Variants in ZWILCH observed in about 807,000 individuals in gnomAD.
The protein encoded by ZWILCH is protein zwilch homolog.
Under a neutral mutation model 79.9 loss-of-function variants are expected in ZWILCH, and 74 were observed. The observed-to-expected ratio is 0.93, with a 90% CI of 0.77 to 1.12. The LOEUF is 1.12. Ranked by LOEUF, ZWILCH falls within the 50% of genes most tolerant of loss-of-function variation. The probability of loss-of-function intolerance (pLI) is 0.00; values close to 1 mark genes in which losing one functional copy is unlikely to be tolerated. For synonymous variants in ZWILCH, 241 were observed against 228.2 expected (o/e 1.06, Z -0.51); for missense variants, 694 against 687.5 (o/e 1.01, Z -0.11).
At chr15:66,513,883 C>G (rs1001943575) in intron 2 of ZWILCH, 105 bp from the exon 3 acceptor site, 9 of 883,716 alleles carry the variant, frequency 1.0e-5, no homozygotes, top group Non-Finnish European at 1.5e-5. Context: ...GACTCTGTCT[C>G]TTAAGGAAAT....
At chr15:66,525,565 C>T (rs1894641316) in intron 8 of ZWILCH, among the ~76,000 whole-genome samples, 2 of 152,010 alleles carry the variant, frequency 1.3e-5, no homozygotes, top group Non-Finnish European at 2.9e-5. Context: ...TCTTCTGGGA[C>T]CATGCTAATG....
At chr15:66,527,635 T>C (rs971813958) in intron 9 of ZWILCH, among the ~76,000 whole-genome samples, 2 of 152,184 alleles carry the variant, frequency 1.3e-5, no homozygotes, top group African/African-American at 4.8e-5. Flanking sequence ...ATACCTACCA[T>C]GTGCCTGATG....
intron 18 of ZWILCH, 84 bp downstream of exon 18, chr15:66,546,789 C>T (rs751969788): frequency 1.0e-5 from 6 of 599,152 alleles, no homozygotes; most frequent in African/African-American, 1.9e-5. Flanking sequence ...TTATCAATGT[C>T]GATTTGCTAC....
Position 66,535,997 on chromosome 15 carries a change from A to T in ZWILCH, c.1406A>T (p.His469Leu), listed in dbSNP as rs771712554. The T allele has an allele frequency of 5.6e-5, 91 of 1,612,934 alleles. 1 individual carries two copies. In the South Asian group the frequency reaches 9.7e-4, roughly 17 times the overall value. ...GTTTATCGTGTCCAAAAACTCCACC[A>T]TATTCTAGAAATATTAGTCAGTTGC... Reference protein sequence around the residue: ...EQVYRVQKLHHILEILVSCMP... With the variant: ...EQVYRVQKLHLILEILVSCMP... Residue 469 changes from histidine to leucine, a missense_variant, in exon 15 of 19, where the codon CAT becomes CTT. Transcript: ENST00000307897.
chr15:66,540,623 G>A (rs953726709), intron 17 of ZWILCH, among the ~76,000 whole-genome samples: 7 of 150,644 alleles, frequency 4.6e-5, no homozygotes, highest in Non-Finnish European at 1.0e-4. Flanking sequence ...TGTGTGCCCA[G>A]TATTTTCTTT....
At chr15:66,522,608 T>C (rs1336042262) in intron 7 of ZWILCH, among the ~76,000 whole-genome samples, 1 of 151,986 alleles carries the variant, frequency 6.6e-6, no homozygotes, top group East Asian at 1.9e-4. Flanking sequence ...ACACCTGGCC[T>C]AAAATAGATT....
intron 12 of ZWILCH, among the ~76,000 whole-genome samples, chr15:66,530,583 G>A (rs950525266): frequency 6.6e-6 from 1 of 152,166 alleles, no homozygotes; most frequent in African/African-American, 2.4e-5. Context: ...GTGGCAGTGA[G>A]CTGAGATTGC....
Position 66,549,871 on chromosome 15 carries a change from A to G in ZWILCH, c.*1547A>G. 1 of 473,696 alleles carries G rather than the reference A, an allele frequency of 2.1e-6. No individual in the cohort carries two copies. Among genetic ancestry groups the G allele is most frequent in the Non-Finnish European group, 3.8e-6 (1 of 264,010 alleles). 29.3% of individuals were successfully genotyped at this position (473,696 alleles called of 1,614,324 possible). A position where few individuals can be genotyped will look rare whatever the true frequency, so the allele number is the denominator to read the frequency against. On this transcript the variant is annotated 3_prime_UTR_variant, in exon 19 of 19. Coordinates refer to ENST00000307897, the MANE Select transcript of ZWILCH (RefSeq NM_017975.5). ...TCTTTCATGGTAGATTAAATGCTTTAAAATGCTTATAAATAGAAATTTGAC... is the reference window on the plus strand; with the variant it reads ...TCTTTCATGGTAGATTAAATGCTTTGAAATGCTTATAAATAGAAATTTGAC...
At chr15:66,517,430 G>GTGTGTGTGTGTGTGTGTGTGTA in intron 4 of ZWILCH, among the ~76,000 whole-genome samples, 5 of 66,526 alleles carry the variant, frequency 7.5e-5, no homozygotes, top group Non-Finnish European at 1.5e-4. Context: ...GTGTGTGTGT[G>GTGTGTGTGTGTGTGTGTGTGTA]TATATATATA....
At chr15:66,521,788 A>C (rs901626853) in intron 7 of ZWILCH, among the ~76,000 whole-genome samples, 38 of 152,058 alleles carry the variant, frequency 2.5e-4, no homozygotes, top group African/African-American at 7.7e-4. Flanking sequence ...GGCGTGAGCC[A>C]CTGTGCCTGG....
rs200409020 is a variant in ZWILCH, at chr15:66,536,010, A to G, written c.1419A>G (p.Ile473Met). 147 of 1,613,106 alleles carry G rather than the reference A, an allele frequency of 9.1e-5. 1 individual carries two copies. In the East Asian group the frequency reaches 3.1e-3, roughly 34 times the overall value. Residue 473 changes from isoleucine (I) to methionine (M), a missense_variant, in exon 15 of 19, where the codon ATA becomes ATG. By Grantham distance (10) the Ile-to-Met change is conservative. Coordinates refer to ENST00000307897, the MANE Select transcript of ZWILCH (RefSeq NM_017975.5). Reference protein sequence around the residue: ...RVQKLHHILEILVSCMPFIKS... With the variant: ...RVQKLHHILEMLVSCMPFIKS... ...AAAAACTCCACCATATTCTAGAAAT[A>G]TTAGTCAGTTGCATGCCTTTCATTA...
intron 17 of ZWILCH, among the ~76,000 whole-genome samples, chr15:66,543,319 G>T (rs1895253230): frequency 6.6e-6 from 1 of 152,194 alleles, no homozygotes; most frequent in Admixed American, 6.5e-5. Context: ...GCTTATGGTA[G>T]CAAAAACATG....
chr15:66,524,352 C>T (rs1407922544), intron 8 of ZWILCH: 1 of 152,132 alleles, frequency 6.6e-6, no homozygotes, highest in Non-Finnish European at 1.5e-5. Context: ...AGTGGTATCT[C>T]TTTGTAGTTT....
chr15:66,516,169 G>A (rs1265047294), intron 4 of ZWILCH, among the ~76,000 whole-genome samples: 6 of 152,148 alleles, frequency 3.9e-5, no homozygotes, highest in African/African-American at 4.8e-5. Context: ...GTGCACCTGC[G>A]CCGTGGATGG....
chr15:66,544,724 T>TGTGTGTGTGTGTGTGTGTGTGTGTGTG (rs1555426548), intron 17 of ZWILCH, among the ~76,000 whole-genome samples: 2 of 128,490 alleles, frequency 1.6e-5, no homozygotes, highest in African/African-American at 6.2e-5. Context: ...TTTTTGGTTT[T>TGTGTGTGTGTGTGTGTGTGTGTGTGTG]TGTGTGTGTG....
intron 16 of ZWILCH, 113 bp from the exon 17 acceptor site, chr15:66,539,985 C>T: frequency 1.6e-6 from 1 of 616,518 alleles, no homozygotes; most frequent in Non-Finnish European, 2.8e-6. Context: ...GACCCGTTTA[C>T]CTCTTTGTCC....
chr15:66,529,531 A>G lies in ZWILCH; in HGVS notation c.1113A>G (p.Thr371=), dbSNP rs764858732. The change falls in exon 12 of 19, where the codon ACA becomes ACG. Residue 371 remains threonine (T), a synonymous_variant. Coordinates refer to ENST00000307897, the MANE Select transcript of ZWILCH (RefSeq NM_017975.5). ...ACCAAGACTTGGTGAAGTGTTTCAC[A>G]TTGATCATCCAGAGTCTACAACGTG... ...ISYQDLVKCF[T]LIIQSLQRGD... 11 of 1,613,954 alleles carry G rather than the reference A, an allele frequency of 6.8e-6. No individual in the cohort carries two copies. The highest frequency in any genetic ancestry group is 9.3e-6 in the Non-Finnish European group (11 of 1,179,978).
Position 66,550,112 on chromosome 15 carries a change from A to T in ZWILCH, c.*1788A>T. 1 of 1,583,154 alleles carries T rather than the reference A, an allele frequency of 6.3e-7. No individual in the cohort carries two copies. The highest frequency in any genetic ancestry group is 8.6e-7 in the Non-Finnish European group (1 of 1,163,800). Reference sequence around the variant, plus strand: ...GAGGTACCAACTTTCCACCTAATAAAAACCCACTTGATAAGTAATGTTGTC... The same window carrying T: ...GAGGTACCAACTTTCCACCTAATAATAACCCACTTGATAAGTAATGTTGTC... On this transcript the variant is annotated 3_prime_UTR_variant, in exon 19 of 19. Coordinates refer to ENST00000307897, the MANE Select transcript of ZWILCH (RefSeq NM_017975.5).
intron 8 of ZWILCH, among the ~76,000 whole-genome samples, chr15:66,525,123 T>G (rs1018141467): frequency 6.6e-6 from 1 of 152,258 alleles, no homozygotes; most frequent in Admixed American, 6.5e-5. Context: ...CATTTCTGTC[T>G]GTGGTCCCAT....
Sources: gnomAD v4.1 joint callset for allele counts (sites outside exome capture counted in the v4.1 genomes callset) on GRCh38, gnomAD v4.1.1 for gene constraint, MANE v1.5 for transcripts, NCBI Gene and HGNC (gene_info 2026-07-23, HGNC 2026-07-21) for gene names.